The following REDIC1 variants were observed in gnomAD, a reference collection of about 807,000 sequenced individuals.
The protein encoded by REDIC1 is regulator of DNA class I crossover intermediates 1, also known as HEI10 Interacting Protein 1.
At chr12:39,712,083 T>C in the REDIC1 span, among the ~76,000 whole-genome samples, 3 of 143,010 alleles carry the variant, frequency 2.1e-5, no homozygotes, top group East Asian at 4.3e-4. Context: ...CCGGTATGTA[T>C]ATATACATAC....
At chr12:39,726,309 C>T in the REDIC1 span, among the ~76,000 whole-genome samples, 1 of 152,082 alleles carries the variant, frequency 6.6e-6, no homozygotes, top group Non-Finnish European at 1.5e-5. Context: ...TATTCCCTCC[C>T]CTAGCCCCCC....
At chr12:39,881,540 C>A in the REDIC1 span, among the ~76,000 whole-genome samples, 94 of 152,300 alleles carry the variant, frequency 6.2e-4, 1 homozygote, top group Admixed American at 1.4e-3. Context: ...AAGAAGGAGT[C>A]TAAGATTTTC....
chr12:39,907,490 C>T, the REDIC1 span: 1 of 152,118 alleles, frequency 6.6e-6, no homozygotes, highest in Non-Finnish European at 1.5e-5. Context: ...AGGATTCCTA[C>T]AAAACTCTAT....
chr12:39,891,235 C>T, the REDIC1 span, among the ~76,000 whole-genome samples: 1 of 151,004 alleles, frequency 6.6e-6, no homozygotes, highest in South Asian at 2.1e-4. Flanking sequence ...CTGCTGAGCT[C>T]TGCCTCTGCC....
At chr12:39,876,238 T>C in the REDIC1 span, among the ~76,000 whole-genome samples, 2 of 152,172 alleles carry the variant, frequency 1.3e-5, no homozygotes, top group Non-Finnish European at 2.9e-5. Context: ...ACACTCAGCT[T>C]CCAGTCCTGA....
chr12:39,819,401 A>T, the REDIC1 span, among the ~76,000 whole-genome samples: 1 of 152,150 alleles, frequency 6.6e-6, no homozygotes, highest in Non-Finnish European at 1.5e-5. Flanking sequence ...TTAAATATTT[A>T]CAGATTTACA....
the REDIC1 span, among the ~76,000 whole-genome samples, chr12:39,815,188 C>G: frequency 6.6e-6 from 1 of 152,262 alleles, no homozygotes; most frequent in East Asian, 1.9e-4. Flanking sequence ...CAGAGCTAAG[C>G]TTCCCATTGA....
the REDIC1 span, among the ~76,000 whole-genome samples, chr12:39,892,216 C>T: frequency 6.6e-6 from 1 of 152,342 alleles, no homozygotes; most frequent in East Asian, 1.9e-4. Flanking sequence ...ATTAATAAGG[C>T]TGCCTCTTAC....
At chr12:39,708,961 A>C in the REDIC1 span, among the ~76,000 whole-genome samples, 1 of 151,882 alleles carries the variant, frequency 6.6e-6, no homozygotes, top group East Asian at 1.9e-4. Context: ...ATGAAGTATT[A>C]TCTTTATAAT....
chr12:39,721,470 A>C, the REDIC1 span: 1 of 466,036 alleles, frequency 2.1e-6, no homozygotes, highest in South Asian at 2.9e-5. Flanking sequence ...TAGCTTTGGT[A>C]TATGGTAGAG....
At chr12:39,762,673 A>G in the REDIC1 span, among the ~76,000 whole-genome samples, 1,129 of 152,206 alleles carry the variant, frequency 7.4e-3, 20 homozygotes, top group African/African-American at 0.025. Flanking sequence ...ATTAGGATGT[A>G]TATTTATTAA....
At chr12:39,900,291 T>C in the REDIC1 span, among the ~76,000 whole-genome samples, 5 of 152,158 alleles carry the variant, frequency 3.3e-5, no homozygotes, top group Non-Finnish European at 7.4e-5. Flanking sequence ...AAGACAGGGA[T>C]GCCCTCTCTC....
At chr12:39,855,317 C>T in the REDIC1 span, among the ~76,000 whole-genome samples, 1 of 152,044 alleles carries the variant, frequency 6.6e-6, no homozygotes, top group Admixed American at 6.6e-5. Context: ...TATTCTGGCA[C>T]CTGTATTTCA....
chr12:39,736,395 GATAGCTATATTTT>G, the REDIC1 span, among the ~76,000 whole-genome samples: 1 of 152,186 alleles, frequency 6.6e-6, no homozygotes, highest in African/African-American at 2.4e-5. Flanking sequence ...TTGGATTGAG[GATAGCTATATTTT>G]ATGAGCTGTA....
chr12:39,647,602 G>T, the REDIC1 span, among the ~76,000 whole-genome samples: 1 of 152,028 alleles, frequency 6.6e-6, no homozygotes, highest in Non-Finnish European at 1.5e-5. Flanking sequence ...GTGCTCTTCA[G>T]TATAGCCTTC....
chr12:39,893,011 A>T, the REDIC1 span, among the ~76,000 whole-genome samples: 1 of 152,222 alleles, frequency 6.6e-6, no homozygotes, highest in African/African-American at 2.4e-5. Flanking sequence ...ATTTGCTTTA[A>T]GCTACTCTAA....
chr12:39,665,277 A>G, the REDIC1 span, among the ~76,000 whole-genome samples: 1 of 152,232 alleles, frequency 6.6e-6, no homozygotes, highest in African/African-American at 2.4e-5. Flanking sequence ...ATCCAGTTTC[A>G]GCTTTCTACA....
chr12:39,832,225 C>T, the REDIC1 span, among the ~76,000 whole-genome samples: 11 of 152,024 alleles, frequency 7.2e-5, no homozygotes, highest in Non-Finnish European at 1.5e-4. Context: ...CTTTGAGAAC[C>T]AGACTAGGCT....
chr12:39,724,724 A>T, the REDIC1 span, among the ~76,000 whole-genome samples: 2 of 152,134 alleles, frequency 1.3e-5, no homozygotes, highest in South Asian at 4.1e-4. Flanking sequence ...CATCTGCTGA[A>T]AATTTAATAT....
Sources: allele counts gnomAD v4.1 joint callset (sites outside exome capture counted in the v4.1 genomes callset), GRCh38; gene constraint gnomAD v4.1.1; transcripts MANE v1.5; gene names NCBI Gene and HGNC (gene_info 2026-07-23, HGNC 2026-07-21).